The following PDGFRL variants were observed in gnomAD, a reference collection of about 807,000 sequenced individuals.
PDGFRL encodes platelet-derived growth factor receptor-like protein.
Under a neutral mutation model 37.2 loss-of-function variants are expected in PDGFRL, and 46 were observed. That is an observed-to-expected ratio of 1.24 (90% CI 0.98 to 1.58). The LOEUF (loss-of-function observed/expected upper bound fraction) is 1.58, where lower values mean the gene tolerates loss of function less well. PDGFRL is among the 40% of genes most tolerant of loss of function. PDGFRL has a pLI of 0.00. For synonymous variants in PDGFRL, 251 were observed against 184.3 expected, an observed-to-expected ratio of 1.36 and a Z score of -2.93; for missense variants, 692 against 467.6, an observed-to-expected ratio of 1.48 and a Z score of -4.43.
chr8:17,619,087 A>G (rs968611864), intron 2 of PDGFRL, among the ~76,000 whole-genome samples: 3 of 152,200 alleles, frequency 2.0e-5, no homozygotes, highest in Admixed American at 6.5e-5. Context: ...CATTTTCCCT[A>G]TGCTAAATGT....
intron 2 of PDGFRL, among the ~76,000 whole-genome samples, chr8:17,601,804 C>T (rs1050129801): frequency 2.0e-5 from 3 of 152,120 alleles, no homozygotes; most frequent in African/African-American, 7.2e-5. Flanking sequence ...TGATTTCATT[C>T]TTTTTTATGG....
intron 2 of PDGFRL, among the ~76,000 whole-genome samples, chr8:17,605,906 AG>A (rs999139328): frequency 7.0e-4 from 106 of 152,222 alleles, no homozygotes; most frequent in African/African-American, 2.4e-3. Context: ...GAGAGAAGGG[AG>A]GGCATCGGGC....
chr8:17,578,088 A>G lies in PDGFRL; in HGVS notation c.55+781A>G, dbSNP rs547332636. Reference sequence around the variant, plus strand: ...TGTGTGTATTACTGTGGTGTGTATTATATATTATTGTTAGCATTTAAATGT... The same window carrying G: ...TGTGTGTATTACTGTGGTGTGTATTGTATATTATTGTTAGCATTTAAATGT... On this transcript the variant is annotated intron_variant, in intron 1 of 5. Coordinates refer to ENST00000251630, the MANE Select transcript of PDGFRL (RefSeq NM_001372073.1). Among the ~76,000 whole-genome samples, 39 of 151,914 alleles carry G rather than the reference A, an allele frequency of 2.6e-4. No homozygotes were observed. The South Asian group carries it at 7.9e-3, about 31-fold the overall frequency.
At chr8:17,604,511 C>T (rs111633363) in intron 2 of PDGFRL, among the ~76,000 whole-genome samples, 1,755 of 152,036 alleles carry the variant, frequency 0.012, 35 homozygotes, top group African/African-American at 0.04. Flanking sequence ...TGCATGTTCT[C>T]ACTCATAGGT....
intron 2 of PDGFRL, among the ~76,000 whole-genome samples, chr8:17,616,708 C>G (rs1165597064): frequency 6.6e-6 from 1 of 152,166 alleles, no homozygotes; most frequent in African/African-American, 2.4e-5. Context: ...CCTCGGAGTT[C>G]TCATGGCATG....
chr8:17,634,972 GGTT>G lies in PDGFRL; in HGVS notation c.939+760_939+762del, dbSNP rs1347644083. ...ATATACCCCTGAACCTAAAATAAAA[GGTT>G]TTTTTTTAAAAAAAAGGACATTGGG... is the stretch of plus-strand genomic sequence containing the variant. On this transcript the variant is annotated intron_variant, in intron 5 of 5. Coordinates refer to ENST00000251630, the MANE Select transcript of PDGFRL (RefSeq NM_001372073.1). 1.7e-3 allele frequency among the ~76,000 whole-genome samples: 244 copies of G among 146,300 alleles called. 4 individuals are homozygous for G. The highest frequency in any genetic ancestry group is 9.8e-3 in the East Asian group (50 of 5,124).
intron 1 of PDGFRL, among the ~76,000 whole-genome samples, chr8:17,579,526 GAC>G (rs1459983212): frequency 0.012 from 1,002 of 82,238 alleles, 19 homozygotes; most frequent in African/African-American, 0.047. Flanking sequence ...ACATCTAAAA[GAC>G]AGTCTTTATT....
Position 17,628,546 on chromosome 8 carries a change from G to T in PDGFRL, c.565G>T (p.Asp189Tyr), listed in dbSNP as rs1804784383. 1 of 1,613,942 alleles carries T rather than the reference G, an allele frequency of 6.2e-7. No homozygotes were observed. Among genetic ancestry groups the T allele is most frequent in the East Asian group, 2.2e-5 (1 of 44,872 alleles). ...SYFDVVYLNP[D>Y]RQAVVPCRVT... Reference sequence around the variant, plus strand: ...CTTCGATGTTGTCTACTTGAACCCGGACAGACAGGCTGTGGTTCCTTGTCG... The same window carrying T: ...CTTCGATGTTGTCTACTTGAACCCGTACAGACAGGCTGTGGTTCCTTGTCG... The change falls in exon 4 of 6, where the codon GAC (aspartate) becomes TAC (tyrosine). Residue 189 changes from aspartate (D) to tyrosine (Y), a missense_variant. Coordinates refer to ENST00000251630, the MANE Select transcript of PDGFRL (RefSeq NM_001372073.1).
At chr8:17,588,725 C>T (rs1803870264) in intron 1 of PDGFRL, among the ~76,000 whole-genome samples, 2 of 152,122 alleles carry the variant, frequency 1.3e-5, no homozygotes, top group African/African-American at 2.4e-5. Flanking sequence ...TTTGTGTCCC[C>T]AGTCTCTGTG....
intron 4 of PDGFRL, among the ~76,000 whole-genome samples, chr8:17,630,877 C>A (rs912084318): frequency 6.6e-6 from 1 of 152,130 alleles, no homozygotes; most frequent in African/African-American, 2.4e-5. Flanking sequence ...CTCCTGGACC[C>A]TCAGCTGGAG....
chr8:17,590,377 G>T (rs1045239057), intron 2 of PDGFRL, among the ~76,000 whole-genome samples: 2 of 151,614 alleles, frequency 1.3e-5, no homozygotes, highest in South Asian at 2.1e-4. Flanking sequence ...AAACCAAAAT[G>T]TTATAGAAAA....
chr8:17,607,816 A>T (rs2517194), intron 2 of PDGFRL, among the ~76,000 whole-genome samples: 81,358 of 152,156 alleles, frequency 0.53, 22,870 homozygotes, highest in Middle Eastern at 0.64. Context: ...CAAAGGAGGG[A>T]GCAAGAAAAG....
chr8:17,588,545 T>C (rs1803866115), intron 1 of PDGFRL, among the ~76,000 whole-genome samples: 1 of 152,088 alleles, frequency 6.6e-6, no homozygotes, highest in Non-Finnish European at 1.5e-5. Flanking sequence ...TGGTCTCACA[T>C]ATGTGTAGGC....
intron 2 of PDGFRL, among the ~76,000 whole-genome samples, chr8:17,597,334 A>C (rs73563771): frequency 6.6e-6 from 1 of 152,132 alleles, no homozygotes; most frequent in Non-Finnish European, 1.5e-5. Context: ...CCTTGTAGTT[A>C]TAACCAATAT....
intron 3 of PDGFRL, among the ~76,000 whole-genome samples, chr8:17,623,720 A>G (rs1464244957): frequency 3.3e-5 from 5 of 152,080 alleles, no homozygotes; most frequent in African/African-American, 1.2e-4. Context: ...ACAAAAATAC[A>G]AAAGTTAGCT....
chr8:17,588,028 C>T (rs1453250742), intron 1 of PDGFRL, among the ~76,000 whole-genome samples: 10 of 152,094 alleles, frequency 6.6e-5, no homozygotes, highest in African/African-American at 2.2e-4. Flanking sequence ...ACAGGCAGAA[C>T]AGTGGGGGCA....
At chr8:17,586,760 G>A (rs1401754637) in intron 1 of PDGFRL, among the ~76,000 whole-genome samples, 1 of 152,120 alleles carries the variant, frequency 6.6e-6, no homozygotes, top group Admixed American at 6.5e-5. Context: ...GTTATTATGA[G>A]GTAGTTATTA....
intron 5 of PDGFRL, among the ~76,000 whole-genome samples, chr8:17,639,701 T>A (rs1563533022): frequency 1.3e-5 from 2 of 152,336 alleles, no homozygotes; most frequent in South Asian, 4.1e-4. Flanking sequence ...GCCTCACAGC[T>A]CTTAAGATTC....
In PDGFRL at chr8:17,611,934, C is replaced by T. The variant is rs190797856; in HGVS notation, c.354-9117C>T. Among the ~76,000 whole-genome samples, 15 of 151,996 alleles carry T rather than the reference C, an allele frequency of 9.9e-5. No individual in the cohort carries two copies. In the East Asian group the frequency reaches 1.7e-3, roughly 18 times the overall value. On this transcript the variant is annotated intron_variant, in intron 2 of 5. Coordinates refer to ENST00000251630, the MANE Select transcript of PDGFRL (RefSeq NM_001372073.1). Reference sequence around the variant, plus strand: ...GCTCGGTGGAAAGAACTAGAAATGCCGAGAGTGGGAACCAAGTAAGAAGGA... The same window carrying T: ...GCTCGGTGGAAAGAACTAGAAATGCTGAGAGTGGGAACCAAGTAAGAAGGA...
Sources: allele counts gnomAD v4.1 joint callset (sites outside exome capture counted in the v4.1 genomes callset), GRCh38; gene constraint gnomAD v4.1.1; transcripts MANE v1.5; gene names NCBI Gene and HGNC (gene_info 2026-07-23, HGNC 2026-07-21).